Variants in CDH13 observed in about 807,000 individuals in gnomAD.
CDH13 encodes the protein cadherin 13, also known as cadherin-13.
In CDH13, 24 loss-of-function variants were observed where a neutral mutation model predicts 63.8. The ratio of observed to expected loss-of-function variants is 0.38; its 90% CI spans 0.27 to 0.53. CDH13 has a LOEUF of 0.53. Ranked by LOEUF, CDH13 falls within the 20% of genes least tolerant of loss-of-function variation. The pLI is 0.85. For synonymous variants in CDH13, 503 were observed against 355.3 expected, an observed-to-expected ratio of 1.42 and a Z score of -4.67; for missense variants, 1,049 against 903.1, an observed-to-expected ratio of 1.16 and a Z score of -2.07.
At chr16:83,692,082 T>A (rs994388668) in intron 10 of CDH13, among the ~76,000 whole-genome samples, 1 of 152,208 alleles carries the variant, frequency 6.6e-6, no homozygotes, top group African/African-American at 2.4e-5. Flanking sequence ...ACCTCTCTGC[T>A]CTTCTGCCTC....
At chr16:83,476,497 A>G (rs1186551195) in intron 6 of CDH13, among the ~76,000 whole-genome samples, 1 of 152,188 alleles carries the variant, frequency 6.6e-6, no homozygotes, top group African/African-American at 2.4e-5. Context: ...ACATGGTAAA[A>G]CCATATCTCT....
intron 6 of CDH13, among the ~76,000 whole-genome samples, chr16:83,447,487 C>T (rs553360616): frequency 2.0e-5 from 3 of 152,082 alleles, no homozygotes; most frequent in African/African-American, 4.8e-5. Flanking sequence ...GTGGAAAGCC[C>T]GCCAGTTAGA....
At chr16:83,185,676 T>A (rs112112330) in intron 4 of CDH13, among the ~76,000 whole-genome samples, 1 of 152,204 alleles carries the variant, frequency 6.6e-6, no homozygotes, top group Non-Finnish European at 1.5e-5. Flanking sequence ...GTTGGTCCAA[T>A]TCATTTCTGG....
chr16:83,045,991 G>C (rs928554533), intron 3 of CDH13, among the ~76,000 whole-genome samples: 3 of 152,258 alleles, frequency 2.0e-5, no homozygotes, highest in Non-Finnish European at 2.9e-5. Flanking sequence ...GCCTGGGAGT[G>C]ATGTGTGATA....
At chr16:83,258,192 G>T (rs906113215) in intron 5 of CDH13, among the ~76,000 whole-genome samples, 2 of 152,162 alleles carry the variant, frequency 1.3e-5, no homozygotes, top group Admixed American at 6.5e-5. Context: ...AATTGATTTA[G>T]CTGGAAAGCA....
chr16:83,595,274 G>A (rs1222089381), intron 7 of CDH13, among the ~76,000 whole-genome samples: 1 of 152,178 alleles, frequency 6.6e-6, no homozygotes, highest in Non-Finnish European at 1.5e-5. Flanking sequence ...CCACTGATAT[G>A]CTCAGACCTT....
chr16:82,706,400 A>G (rs1396707906), intron 1 of CDH13, among the ~76,000 whole-genome samples: 2 of 152,202 alleles, frequency 1.3e-5, no homozygotes. Context: ...TATAAGGATA[A>G]GGGATGAGAC....
At chr16:83,444,749 C>T (rs996255718) in intron 6 of CDH13, among the ~76,000 whole-genome samples, 1 of 75,012 alleles carries the variant, frequency 1.3e-5, no homozygotes, top group Non-Finnish European at 2.8e-5. Flanking sequence ...CAGCTTAAAT[C>T]TCTGACTGCC....
chr16:82,782,663 C>A (rs1461362328), intron 1 of CDH13, among the ~76,000 whole-genome samples: 1 of 152,180 alleles, frequency 6.6e-6, no homozygotes, highest in African/African-American at 2.4e-5. Context: ...TTAATTGGCA[C>A]AGACACTTAA....
chr16:82,744,898 C>G (rs1021448635), intron 1 of CDH13, among the ~76,000 whole-genome samples: 2 of 152,168 alleles, frequency 1.3e-5, no homozygotes, highest in South Asian at 2.1e-4. Context: ...ACTCTAATCC[C>G]CAGAGCCTGT....
At chr16:82,955,578 A>C (rs1378972825) in intron 2 of CDH13, among the ~76,000 whole-genome samples, 1 of 148,380 alleles carries the variant, frequency 6.7e-6, no homozygotes, top group African/African-American at 2.5e-5. Context: ...CAGTTCATTA[A>C]ACATGCATTC....
At chr16:83,408,400 G>A (rs1434766860) in intron 6 of CDH13, among the ~76,000 whole-genome samples, 1 of 152,112 alleles carries the variant, frequency 6.6e-6, no homozygotes, top group East Asian at 1.9e-4. Context: ...AATCTAGATG[G>A]TATATTCTGC....
chr16:83,688,488 A>C (rs1904530656), intron 10 of CDH13, among the ~76,000 whole-genome samples: 1 of 152,212 alleles, frequency 6.6e-6, no homozygotes, highest in Non-Finnish European at 1.5e-5. Context: ...GCCAAATTGT[A>C]ACATTTCTAC....
intron 3 of CDH13, among the ~76,000 whole-genome samples, chr16:83,115,710 C>T (rs1443941690): frequency 2.0e-5 from 3 of 152,238 alleles, no homozygotes; most frequent in Admixed American, 6.5e-5. Flanking sequence ...TTCTGCAATG[C>T]TTTGCCTTGC....
chr16:83,158,674 C>T (rs941266838), intron 4 of CDH13, among the ~76,000 whole-genome samples: 8 of 152,352 alleles, frequency 5.3e-5, no homozygotes, highest in African/African-American at 1.2e-4. Flanking sequence ...AACAGATCCA[C>T]GGTACACTCA....
chr16:83,163,898 C>A (rs1301240163), intron 4 of CDH13, among the ~76,000 whole-genome samples: 1 of 152,074 alleles, frequency 6.6e-6, no homozygotes, highest in Admixed American at 6.6e-5. Flanking sequence ...AAAACCTCGT[C>A]GCTGTCAACA....
chr16:83,376,232 G>A (rs79452894), intron 6 of CDH13, among the ~76,000 whole-genome samples: 18,418 of 152,110 alleles, frequency 0.12, 1,255 homozygotes, highest in Non-Finnish European at 0.15. Flanking sequence ...TTTTAGGTAT[G>A]CCTCTGTTGG....
Position 83,368,903 on chromosome 16 carries a change from TATATATA to T in CDH13, c.781+23898_781+23904del, listed in dbSNP as rs1308057341. 1.2e-3 allele frequency among the ~76,000 whole-genome samples: 80 copies of T among 65,116 alleles called. 2 individuals carry two copies. The highest frequency in any genetic ancestry group is 1.9e-3 in the Non-Finnish European group (67 of 35,952). 42.7% of individuals were successfully genotyped at this position (65,116 alleles called of 152,430 possible). A position where few individuals can be genotyped will look rare whatever the true frequency, so the allele number is the denominator to read the frequency against. ...TCCATGTTATATATATATATATATA[TATATATA>T]TATATATATATATATATATATATAT... On this transcript the variant is annotated intron_variant, in intron 6 of 13. Coordinates refer to ENST00000567109, the MANE Select transcript of CDH13 (RefSeq NM_001257.5).
At chr16:83,142,905 A>G (rs1567872158) in intron 4 of CDH13, among the ~76,000 whole-genome samples, 1 of 152,150 alleles carries the variant, frequency 6.6e-6, no homozygotes, top group Admixed American at 6.5e-5. Context: ...GAGTTCAAAG[A>G]CCAGCCTGAC....
Sources: gnomAD v4.1 joint callset for allele counts (sites outside exome capture counted in the v4.1 genomes callset) on GRCh38, gnomAD v4.1.1 for gene constraint, MANE v1.5 for transcripts, NCBI Gene and HGNC (gene_info 2026-07-23, HGNC 2026-07-21) for gene names.